Variants in DNM3 observed in about 807,000 individuals in gnomAD.
DNM3 encodes dynamin 3.
A neutral mutation model predicts 101.6 loss-of-function variants in DNM3; 47 were observed. That is an observed-to-expected ratio of 0.46 (90% CI 0.37 to 0.59). The LOEUF is 0.59. DNM3 is among the 20% of genes least tolerant of loss of function. The pLI, the probability that DNM3 is intolerant of heterozygous loss-of-function variation, is 0.00. For synonymous variants in DNM3, 385 were observed against 387.9 expected (o/e 0.99, Z 0.09); for missense variants, 849 against 1,085.7 (o/e 0.78, Z 3.06).
At chr1:171,950,262 C>T (rs911087981) in intron 2 of DNM3, among the ~76,000 whole-genome samples, 4 of 152,174 alleles carry the variant, frequency 2.6e-5, no homozygotes, top group African/African-American at 7.2e-5. Context: ...TTACAGGGTT[C>T]AGCTTAACAA....
At chr1:171,957,018 C>T (rs1160956490) in intron 2 of DNM3, among the ~76,000 whole-genome samples, 2 of 152,088 alleles carry the variant, frequency 1.3e-5, no homozygotes, top group Non-Finnish European at 2.9e-5. Flanking sequence ...ATTTTTTCCT[C>T]TTCAGCCTTC....
At chr1:172,315,688 A>C (rs1415586314) in intron 16 of DNM3, among the ~76,000 whole-genome samples, 1 of 152,214 alleles carries the variant, frequency 6.6e-6, no homozygotes, top group Non-Finnish European at 1.5e-5. Context: ...AGTTTAGAGA[A>C]AAAAGAATAA....
At chr1:171,918,506 G>A (rs556259988) in intron 1 of DNM3, among the ~76,000 whole-genome samples, 1 of 152,166 alleles carries the variant, frequency 6.6e-6, no homozygotes, top group Admixed American at 6.5e-5. Context: ...TTCAGATTAG[G>A]TGCTCATTCT....
chr1:172,409,661 G>A lies in DNM3; in HGVS notation c.*1820G>A, dbSNP rs1180983824. Reference sequence around the variant, plus strand: ...ATACATACTGCATTTTTAAAATAGTGTCTCAGCTAAATGGAAAACTGTTAA... The same window carrying A: ...ATACATACTGCATTTTTAAAATAGTATCTCAGCTAAATGGAAAACTGTTAA... On this transcript the variant is annotated 3_prime_UTR_variant, in exon 21 of 21. Transcript: ENST00000627582. The A allele has an allele frequency of 3.0e-6, 3 of 985,424 alleles. No individual in the cohort carries two copies. Among genetic ancestry groups the A allele is most frequent in the African/African-American group, 3.5e-5 (2 of 57,204 alleles). 61.0% of individuals were successfully genotyped at this position (985,424 alleles called of 1,614,324 possible). A position where few individuals can be genotyped will look rare whatever the true frequency, so the allele number is the denominator to read the frequency against.
intron 14 of DNM3, among the ~76,000 whole-genome samples, chr1:172,240,634 AC>A (rs2061714859): frequency 6.6e-6 from 1 of 152,142 alleles, no homozygotes; most frequent in Non-Finnish European, 1.5e-5. Flanking sequence ...ATTAATGTGC[AC>A]TCAAAAGCTG....
intron 11 of DNM3, among the ~76,000 whole-genome samples, chr1:172,070,621 G>T (rs1049856237): frequency 6.6e-6 from 1 of 152,142 alleles, no homozygotes; most frequent in African/African-American, 2.4e-5. Context: ...ATGTTGTTAA[G>T]ATTGTGGGCT....
intron 10 of DNM3, among the ~76,000 whole-genome samples, chr1:172,059,267 C>CA (rs1187839036): frequency 7.5e-6 from 1 of 132,716 alleles, no homozygotes; most frequent in Non-Finnish European, 1.6e-5. Flanking sequence ...ACCAGAGGTA[C>CA]AAGGAGGAAC....
In DNM3 at chr1:172,387,385, C is replaced by T. The variant is rs375953955; in HGVS notation, c.2285+26C>T. 1.3e-5 allele frequency: 21 copies of T among 1,578,214 alleles called. No homozygotes were observed. The African/African-American group carries it at 2.4e-4, about 18-fold the overall frequency. On this transcript the variant is annotated intron_variant, in intron 19 of 20. Transcript: ENST00000627582. ...GTAAGAAGATGGCCCCGGCCGGGTG[C>T]GGTGGCTCGCTCCTGTAATCCCAGC...
chr1:172,001,799 T>C (rs992910301), intron 4 of DNM3, among the ~76,000 whole-genome samples: 5 of 152,010 alleles, frequency 3.3e-5, no homozygotes, highest in Non-Finnish European at 5.9e-5. Context: ...TATGGGGGTG[T>C]GTCCCTACAT....
At chr1:172,336,149 C>T (rs1030351242) in intron 17 of DNM3, among the ~76,000 whole-genome samples, 1 of 152,040 alleles carries the variant, frequency 6.6e-6, no homozygotes, top group Non-Finnish European at 1.5e-5. Context: ...GACAGCCCCC[C>T]ACACAAAGAA....
intron 17 of DNM3, among the ~76,000 whole-genome samples, chr1:172,335,931 CT>C: frequency 6.6e-6 from 1 of 152,166 alleles, no homozygotes; most frequent in Admixed American, 6.5e-5. Context: ...CGTTTACCCC[CT>C]GAATCCAAAA....
At chr1:171,878,042 A>G (rs952143972) in intron 1 of DNM3, among the ~76,000 whole-genome samples, 1 of 152,208 alleles carries the variant, frequency 6.6e-6, no homozygotes, top group African/African-American at 2.4e-5. Context: ...CTATCATGCT[A>G]TCTTTGGCTG....
intron 2 of DNM3, among the ~76,000 whole-genome samples, chr1:171,967,808 C>T (rs2043695467): frequency 6.6e-6 from 1 of 152,138 alleles, no homozygotes; most frequent in Non-Finnish European, 1.5e-5. Flanking sequence ...CTTGTTCCAT[C>T]CAGCTTTCAA....
Position 171,997,371 on chromosome 1 carries a change from G to T in DNM3, c.589+8223G>T, listed in dbSNP as rs529878871. On this transcript the variant is annotated intron_variant, in intron 4 of 20. Transcript: ENST00000627582. ...ATAGGTGAAAGAAGGTCTTAGGTAG[G>T]TTGGGGCTGGGGTGGGATAGAAGGA... Among the ~76,000 whole-genome samples, 7 of 152,238 alleles carry T rather than the reference G, an allele frequency of 4.6e-5. No individual in the cohort carries two copies. In the East Asian group the frequency reaches 9.7e-4, roughly 21 times the overall value.
chr1:172,192,466 G>A (rs1371563600), intron 14 of DNM3, among the ~76,000 whole-genome samples: 50 of 149,966 alleles, frequency 3.3e-4, no homozygotes, highest in South Asian at 2.3e-3. Flanking sequence ...ATGCTGGTGC[G>A]CTGCACCCAC....
intron 13 of DNM3, among the ~76,000 whole-genome samples, chr1:172,125,496 A>G (rs1266449910): frequency 6.6e-6 from 1 of 152,176 alleles, no homozygotes; most frequent in African/African-American, 2.4e-5. Flanking sequence ...AACTAACAGA[A>G]CACATATTCT....
chr1:171,858,194 C>T (rs980768213), intron 1 of DNM3, among the ~76,000 whole-genome samples: 4 of 152,154 alleles, frequency 2.6e-5, no homozygotes, highest in Admixed American at 2.6e-4. Context: ...TGGGTTGGTA[C>T]TGAGAGTGAG....
chr1:172,270,891 C>T lies in DNM3; in HGVS notation c.1769+17209C>T, dbSNP rs894108680. ...GTTGCAGAGAGTAGTTTTGACTATT[C>T]AAACAAGTAACTGCCTTTGCTCTCA... On this transcript the variant is annotated intron_variant, in intron 15 of 20. Coordinates refer to ENST00000627582, the MANE Select transcript of DNM3 (RefSeq NM_015569.5). 1.2e-4 allele frequency among the ~76,000 whole-genome samples: 19 copies of T among 152,144 alleles called. No individual in the cohort carries two copies. The East Asian group carries it at 3.3e-3, about 26-fold the overall frequency.
chr1:172,277,856 A>G (rs1213558515), intron 15 of DNM3, among the ~76,000 whole-genome samples: 1 of 152,140 alleles, frequency 6.6e-6, no homozygotes, highest in African/African-American at 2.4e-5. Flanking sequence ...AAAAAAATAT[A>G]GGCTGCACTG....
Sources: gnomAD v4.1 joint callset for allele counts (sites outside exome capture counted in the v4.1 genomes callset) on GRCh38, gnomAD v4.1.1 for gene constraint, MANE v1.5 for transcripts, NCBI Gene and HGNC (gene_info 2026-07-23, HGNC 2026-07-21) for gene names.